OR10A6: variants seen among roughly 807,000 people sequenced by gnomAD.
OR10A6 encodes olfactory receptor 10A6.
Under a neutral mutation model 1.5 loss-of-function variants are expected in OR10A6, and 2 were observed. That is an observed-to-expected ratio of 1.31 (90% CI 0.54 to 4.13). The LOEUF (loss-of-function observed/expected upper bound fraction) is 4.13, where lower values mean the gene tolerates loss of function less well. OR10A6 is among the 30% of genes most tolerant of loss of function. The probability of loss-of-function intolerance (pLI) is 0.07; values close to 1 mark genes in which losing one functional copy is unlikely to be tolerated. For synonymous variants in OR10A6, 169 were observed against 137.3 expected (o/e 1.23, Z -1.61); for missense variants, 492 against 368.6 (o/e 1.33, Z -2.74).
rs1015790445 is a variant in OR10A6 at position 7,926,018 on chromosome 11, C to T, written c.*1700G>A. The T allele has an allele frequency of 1.3e-5, 2 of 152,238 alleles. No homozygotes were observed. The highest frequency in any genetic ancestry group is 1.3e-4 in the Admixed American group (2 of 15,274). 9.4% of individuals were successfully genotyped at this position (152,238 alleles called of 1,614,324 possible). A position where few individuals can be genotyped will look rare whatever the true frequency, so the allele number is the denominator to read the frequency against. On this transcript the variant is annotated 3_prime_UTR_variant, in exon 4 of 4. Coordinates refer to ENST00000641238, the MANE Select transcript of OR10A6 (RefSeq NM_001004461.2). ...TCCTCTGATTGTTCCCCGCTCTTCA[C>T]CTATTTTACATATACCTACCCTTTC... is the stretch of plus-strand genomic sequence containing the variant.
At position 7,925,315 on chromosome 11, in the gene OR10A6, A is replaced by T. The variant is rs1472379448; in HGVS notation, c.*2403T>A. 6.6e-6 allele frequency: 1 copy of T among 152,236 alleles called. No homozygotes were observed. The highest frequency in any genetic ancestry group is 1.5e-5 in the Non-Finnish European group (1 of 68,024). 9.4% of individuals were successfully genotyped at this position (152,236 alleles called of 1,614,324 possible). A position where few individuals can be genotyped will look rare whatever the true frequency, so the allele number is the denominator to read the frequency against. On this transcript the variant is annotated 3_prime_UTR_variant, in exon 4 of 4. Transcript: ENST00000641238. Reference sequence around the variant, plus strand: ...TCTCCTCACATAACATCACAAATGTATAAATTCCCAGCACATACTTGGATT... The same window carrying T: ...TCTCCTCACATAACATCACAAATGTTTAAATTCCCAGCACATACTTGGATT...
rs915605521 is a variant in OR10A6 at position 7,926,452 on chromosome 11, A to T, written c.*1266T>A. 4 of 152,166 alleles carry T rather than the reference A, an allele frequency of 2.6e-5. No individual in the cohort carries two copies. Among genetic ancestry groups the T allele is most frequent in the Non-Finnish European group, 5.9e-5 (4 of 68,026 alleles). The allele number at this position is 152,166 out of a possible 1,614,324, so 9.4% of individuals were successfully genotyped here. A position where few individuals can be genotyped will look rare whatever the true frequency, so the allele number is the denominator to read the frequency against. ...GAAGAAAAGTCCTGCATCATTACCCACAAGGTTCCAGCCTTCTTCTCATGA... is the reference window on the plus strand; with the variant it reads ...GAAGAAAAGTCCTGCATCATTACCCTCAAGGTTCCAGCCTTCTTCTCATGA... On this transcript the variant is annotated 3_prime_UTR_variant, in exon 4 of 4. Coordinates refer to ENST00000641238, the MANE Select transcript of OR10A6 (RefSeq NM_001004461.2).
At position 7,928,390 on chromosome 11, in the gene OR10A6, T is replaced by C. The variant is rs1403520735; in HGVS notation, c.273A>G (p.Thr91=). The C allele has an allele frequency of 6.2e-7, 1 of 1,613,690 alleles. No homozygotes were observed. The highest frequency in any genetic ancestry group is 1.3e-5 in the African/African-American group (1 of 74,822). ...GTGCAAAACAGCCCCCAAAAGAAATTGTAGTTTTTTCAGTAGAGAGGACCA... is the reference window on the plus strand; with the variant it reads ...GTGCAAAACAGCCCCCAAAAGAAATCGTAGTTTTTTCAGTAGAGAGGACCA... ...MLVVLSTEKT[T]ISFGGCFAQM... Residue 91 remains threonine, a synonymous_variant, in exon 4 of 4, where the codon ACA becomes ACG. Transcript: ENST00000641238.
chr11:7,927,674 TAC>T lies in OR10A6; in HGVS notation c.*42_*43del. The T allele has an allele frequency of 7.9e-7, 1 of 1,262,054 alleles. No homozygotes were observed. The highest frequency in any genetic ancestry group is 1.1e-6 in the Non-Finnish European group (1 of 890,282). The allele number at this position is 1,262,054 out of a possible 1,614,324, so 78.2% of individuals were successfully genotyped here. The stretch of plus-strand genomic sequence containing the variant: ...CTAAATTTATTAAATTTAGATTGAA[TAC>T]AGTCATGCAGTGACTAAATCTTACA... On this transcript the variant is annotated 3_prime_UTR_variant, in exon 4 of 4. Coordinates refer to ENST00000641238, the MANE Select transcript of OR10A6 (RefSeq NM_001004461.2).
rs1859485758 is a variant in OR10A6 at position 7,929,639 on chromosome 11, A to G, written c.-977T>C. On this transcript the variant is annotated 5_prime_UTR_variant, in exon 4 of 4. Coordinates refer to ENST00000641238, the MANE Select transcript of OR10A6 (RefSeq NM_001004461.2). ...ACATAAAATAGCTTCTAACCCCTTA[A>G]CCAGTATGCTGCATAAACTAGTACC... 6.7e-6 allele frequency: 1 copy of G among 148,426 alleles called. No homozygotes were observed. Among genetic ancestry groups the G allele is most frequent in the Non-Finnish European group, 1.5e-5 (1 of 67,186 alleles). 9.2% of individuals were successfully genotyped at this position (148,426 alleles called of 1,614,324 possible).
At position 7,927,883 on chromosome 11, in the gene OR10A6, T is replaced by G; in HGVS notation, c.780A>C (p.Leu260Phe). 6.2e-7 allele frequency: 1 copy of G among 1,613,984 alleles called. No homozygotes were observed. The change falls in exon 4 of 4, where the codon TTA (leucine) becomes TTC (phenylalanine). Residue 260 changes from leucine (L) to phenylalanine (F), a missense_variant. Transcript: ENST00000641238. ...LFYGTASMTY[L>F]QPKSGYSPET... ...CCGGTGAGTAGCCAGATTTGGGTTG[T>G]AAATAAGTCATACTGGCTGTGCCAT...
At position 7,925,946 on chromosome 11, in the gene OR10A6, A is replaced by C. The variant is rs1859388943; in HGVS notation, c.*1772T>G. On this transcript the variant is annotated 3_prime_UTR_variant, in exon 4 of 4. Transcript: ENST00000641238. Reference sequence around the variant, plus strand: ...AAGCCTGAAAGCCAAACTGCAAGTTAAACTCTGGGACCGGATTGAGAACTT... The same window carrying C: ...AAGCCTGAAAGCCAAACTGCAAGTTCAACTCTGGGACCGGATTGAGAACTT... The C allele has an allele frequency of 6.6e-6, 1 of 152,278 alleles. No homozygotes were observed. The highest frequency in any genetic ancestry group is 6.5e-5 in the Admixed American group (1 of 15,288). 9.4% of individuals were successfully genotyped at this position (152,278 alleles called of 1,614,324 possible).
rs558652641 is a variant in OR10A6 at position 7,925,878 on chromosome 11, T to G, written c.*1840A>C. 4.6e-5 allele frequency: 7 copies of G among 152,332 alleles called. No individual in the cohort carries two copies. In the East Asian group the frequency reaches 1.4e-3, roughly 29 times the overall value. 9.4% of individuals were successfully genotyped at this position (152,332 alleles called of 1,614,324 possible). ...CAGCCAAATGCCTAGGCAGATGGGG[T>G]GGGTTCCTGGTGAAACCCCACCTCT... On this transcript the variant is annotated 3_prime_UTR_variant, in exon 4 of 4. Transcript: ENST00000641238.
rs1353535640 is a variant in OR10A6 at position 7,929,848 on chromosome 11, TCC to T, written c.-1188_-1187del. On this transcript the variant is annotated 5_prime_UTR_variant, in exon 4 of 4. Coordinates refer to ENST00000641238, the MANE Select transcript of OR10A6 (RefSeq NM_001004461.2). ...GGCATAGAATATAATATATCCTCTATCCTTTTTTTAAGAAATATGTGTAAAAT... is the reference window on the plus strand; with the variant it reads ...GGCATAGAATATAATATATCCTCTATTTTTTTTAAGAAATATGTGTAAAAT... The T allele has an allele frequency of 7.0e-6, 1 of 142,138 alleles. No individual in the cohort carries two copies. Among genetic ancestry groups the T allele is most frequent in the Non-Finnish European group, 1.5e-5 (1 of 65,534 alleles). 8.8% of individuals were successfully genotyped at this position (142,138 alleles called of 1,614,324 possible).
Position 7,928,289 on chromosome 11 carries a change from G to T in OR10A6, c.374C>A (p.Ala125Glu). Residue 125 changes from alanine to glutamate, a missense_variant, in exon 4 of 4, where the codon GCA (alanine) becomes GAA (glutamate). Physicochemically the swap from Ala to Glu is moderately radical, Grantham distance 107. Transcript: ENST00000641238. ...LGAMAYDRFA[A>E]ICHPLNYQMI... ...TTGGTAGTTGAGAGGATGGCAAATT[G>T]CAGCAAATCGGTCATAAGCCATTGC... is the stretch of plus-strand genomic sequence containing the variant. The T allele has an allele frequency of 6.2e-7, 1 of 1,613,796 alleles. No individual in the cohort carries two copies. The highest frequency in any genetic ancestry group is 8.5e-7 in the Non-Finnish European group (1 of 1,179,834).
Position 7,928,260 on chromosome 11 carries a change from T to C in OR10A6, c.403A>G (p.Ile135Val). Residue 135 changes from isoleucine to valine, a missense_variant, in exon 4 of 4, where the codon ATT becomes GTT. Physicochemically the swap from Ile to Val is conservative, Grantham distance 29. Coordinates refer to ENST00000641238, the MANE Select transcript of OR10A6 (RefSeq NM_001004461.2). ...TTCATAAAAACTCCTTTATTCATAA[T>C]CATTTGGTAGTTGAGAGGATGGCAA... ...AICHPLNYQM[I>V]MNKGVFMKLI... 1 of 1,613,558 alleles carries C rather than the reference T, an allele frequency of 6.2e-7. No homozygotes were observed. The highest frequency in any genetic ancestry group is 2.2e-5 in the East Asian group (1 of 44,870).
rs150799611 is a variant in OR10A6, at chr11:7,927,833, G to C, written c.830C>G (p.Ser277Cys). 7.4e-6 allele frequency: 12 copies of C among 1,613,572 alleles called. 1 individual carries two copies. In the African/African-American group the frequency reaches 1.2e-4, roughly 16 times the overall value. ...CAGCAGTGGTGTCAGAAGTGAGTAA[G>C]ACAATGACATCACTTTCTTGGTTTC... ...SPETKKVMSL[S>C]YSLLTPLLNL... Residue 277 changes from serine to cysteine, a missense_variant, in exon 4 of 4, where the codon TCT (serine) becomes TGT (cysteine). Physicochemically the swap from Ser to Cys is moderately radical, Grantham distance 112 (BLOSUM62 -1). Transcript: ENST00000641238.
rs7939022 is a variant in OR10A6 at position 7,925,843 on chromosome 11, C to T, written c.*1875G>A. On this transcript the variant is annotated 3_prime_UTR_variant, in exon 4 of 4. Transcript: ENST00000641238. Reference sequence around the variant, plus strand: ...TACAACATTCAGATATCACTGATAGCGACAGGAGGCAGCCAAATGCCTAGG... The same window carrying T: ...TACAACATTCAGATATCACTGATAGTGACAGGAGGCAGCCAAATGCCTAGG... 0.38 allele frequency: 58,078 copies of T among 152,034 alleles called. 11,436 individuals are homozygous for T. The highest frequency in any genetic ancestry group is 0.51 in the East Asian group (2,630 of 5,144). 9.4% of individuals were successfully genotyped at this position (152,034 alleles called of 1,614,324 possible).
At position 7,928,329 on chromosome 11, in the gene OR10A6, A is replaced by G; in HGVS notation, c.334T>C (p.Cys112Arg). The G allele has an allele frequency of 1.2e-6, 2 of 1,614,104 alleles. No individual in the cohort carries two copies. Among genetic ancestry groups the G allele is most frequent in the Non-Finnish European group, 8.5e-7 (1 of 1,179,980 alleles). The change falls in exon 4 of 4, where the codon TGT becomes CGT. Residue 112 changes from cysteine (C) to arginine (R), a missense_variant. Coordinates refer to ENST00000641238, the MANE Select transcript of OR10A6 (RefSeq NM_001004461.2). The stretch of plus-strand genomic sequence containing the variant: ...TAAGCCATTGCTCCCAGAAGAAAAC[A>G]TTCAGCCCCACCAAAAAGAAGGATG... ...YFILLFGGAE[C>R]FLLGAMAYDR...
Position 7,927,516 on chromosome 11 carries a change from A to G in OR10A6, c.*202T>C, listed in dbSNP as rs543193185. 4 of 473,174 alleles carry G rather than the reference A, an allele frequency of 8.5e-6. No homozygotes were observed. The highest frequency in any genetic ancestry group is 6.2e-5 in the East Asian group (2 of 32,494). The allele number at this position is 473,174 out of a possible 1,614,324, so 29.3% of individuals were successfully genotyped here. On this transcript the variant is annotated 3_prime_UTR_variant, in exon 4 of 4. Coordinates refer to ENST00000641238, the MANE Select transcript of OR10A6 (RefSeq NM_001004461.2). ...AATTGTTGAAATTGTGTTATATTCA[A>G]TATTAAGGAATATTATGCACTGGTG...
chr11:7,930,577 A>G (rs1016410164), intron 3 of OR10A6, 62 bp from the exon 4 acceptor site: 2 of 152,176 alleles, frequency 1.3e-5, no homozygotes, highest in Admixed American at 6.5e-5. Context: ...GTCCATAGTC[A>G]TGTATTAAAA....
rs1289108102 is a variant in OR10A6 at position 7,929,966 on chromosome 11, G to GTGTGTATATATATATATATA, written c.-1305_-1304insTATATATATATATATACACA. 3.5e-5 allele frequency: 2 copies of GTGTGTATATATATATATATA among 57,262 alleles called. No homozygotes were observed. Among genetic ancestry groups the GTGTGTATATATATATATATA allele is most frequent in the Admixed American group, 2.4e-4 (1 of 4,162 alleles). The allele number at this position is 57,262 out of a possible 1,614,324, so 3.5% of individuals were successfully genotyped here. Reference sequence around the variant, plus strand: ...TCTAGTAAGGTATGTGTATGTGTATGTATATATATATATATATATATATAT... The same window carrying GTGTGTATATATATATATATA: ...TCTAGTAAGGTATGTGTATGTGTATGTGTGTATATATATATATATATATATATATATATATATATATATAT... On this transcript the variant is annotated 5_prime_UTR_variant, in exon 4 of 4. Coordinates refer to ENST00000641238, the MANE Select transcript of OR10A6 (RefSeq NM_001004461.2).
chr11:7,927,750 A>G lies in OR10A6; in HGVS notation c.913T>C (p.Trp305Arg). The change falls in exon 4 of 4, where the codon TGG (tryptophan) becomes CGG (arginine). Residue 305 changes from tryptophan (W) to arginine (R), a missense_variant. Physicochemically the swap from Trp to Arg is moderately radical, Grantham distance 101. Coordinates refer to ENST00000641238, the MANE Select transcript of OR10A6 (RefSeq NM_001004461.2). ...GTGTGTAAAACCACTCGCCTTCGCC[A>G]TAATTTCATCAAAGCCCTCTTCATC... ...SEMKRALMKL[W>R]RRRVVLHTI The G allele has an allele frequency of 1.9e-6, 3 of 1,613,750 alleles. No homozygotes were observed. In the South Asian group the frequency reaches 3.3e-5, roughly 18 times the overall value.
chr11:7,926,768 A>G lies in OR10A6; in HGVS notation c.*950T>C, dbSNP rs972549343. The G allele has an allele frequency of 6.6e-6, 1 of 152,188 alleles. No homozygotes were observed. The highest frequency in any genetic ancestry group is 2.4e-5 in the African/African-American group (1 of 41,450). 9.4% of individuals were successfully genotyped at this position (152,188 alleles called of 1,614,324 possible). ...AATGTTGCAATGTGTCTAATTATTC[A>G]TCTTTATATATAACTAGAAAGACTA... is the stretch of plus-strand genomic sequence containing the variant. On this transcript the variant is annotated 3_prime_UTR_variant, in exon 4 of 4. Coordinates refer to ENST00000641238, the MANE Select transcript of OR10A6 (RefSeq NM_001004461.2).
Sources: allele counts gnomAD v4.1 joint callset, GRCh38; gene constraint gnomAD v4.1.1; transcripts MANE v1.5; gene names NCBI Gene and HGNC (gene_info 2026-07-23, HGNC 2026-07-21).